C4orf54: variants seen among roughly 807,000 people sequenced by gnomAD.
C4orf54 encodes the protein chromosome 4 open reading frame 54, also known as uncharacterized protein C4orf54.
Under a neutral mutation model 80.1 loss-of-function variants are expected in C4orf54, and 67 were observed. The ratio of observed to expected loss-of-function variants is 0.84; its 90% confidence interval spans 0.69 to 1.03. The LOEUF is 1.03. C4orf54 is among the 50% of genes least tolerant of loss of function. The probability of loss-of-function intolerance (pLI) is 0.00; values close to 1 mark genes in which losing one functional copy is unlikely to be tolerated. For missense variants in C4orf54, 2,434 were observed against 2,253.5 expected, an observed-to-expected ratio of 1.08 and a Z score of -1.62; for synonymous variants, 1,000 against 917.0, an observed-to-expected ratio of 1.09 and a Z score of -1.64.
Position 99,650,548 on chromosome 4 carries a change from G to T in C4orf54, c.4101C>A (p.Pro1367=). ...GGACTGGGGGAATATAGAGAGATCG[G>T]GGTCTTTCCCTGGCCAGGTTCTCAA... ...AAFENLARER[P]RSLYIPPVHK... Residue 1367 remains proline, a synonymous_variant, in exon 2 of 3, where the codon CCC becomes CCA. Coordinates refer to ENST00000511828, the MANE Select transcript of C4orf54 (RefSeq NM_001354435.2). The T allele has an allele frequency of 6.5e-7, 1 of 1,536,084 alleles. No homozygotes were observed. The highest frequency in any genetic ancestry group is 8.7e-7 in the Non-Finnish European group (1 of 1,146,910).
chr4:99,653,760 C>T lies in C4orf54; in HGVS notation c.889G>A (p.Ala297Thr). Reference protein sequence around the residue: ...EDSTTSTGALATSSSSLGFES... With the variant: ...EDSTTSTGALTTSSSSLGFES... ...AAGCCTAAGGATGAAGAGGAGGTGGCCAGAGCCCCTGTGGATGTGGTGGAG... is the reference window on the plus strand; with the variant it reads ...AAGCCTAAGGATGAAGAGGAGGTGGTCAGAGCCCCTGTGGATGTGGTGGAG... Residue 297 changes from alanine to threonine, a missense_variant, in exon 2 of 3, where the codon GCC becomes ACC. Ala to Thr is a moderately conservative substitution (Grantham distance 58). Coordinates refer to ENST00000511828, the MANE Select transcript of C4orf54 (RefSeq NM_001354435.2). 2 of 1,536,048 alleles carry T rather than the reference C, an allele frequency of 1.3e-6. No individual in the cohort carries two copies. Among genetic ancestry groups the T allele is most frequent in the Non-Finnish European group, 1.7e-6 (2 of 1,146,874 alleles).
chr4:99,656,821 C>T (rs1440823991), intron 1 of C4orf54, among the ~76,000 whole-genome samples: 1 of 152,168 alleles, frequency 6.6e-6, no homozygotes, highest in Non-Finnish European at 1.5e-5. Context: ...GGCTTCAGAG[C>T]TTGGACCTTT....
At position 99,654,052 on chromosome 4, in the gene C4orf54, A is replaced by G; in HGVS notation, c.597T>C (p.Ala199=). 1 of 1,536,072 alleles carries G rather than the reference A, an allele frequency of 6.5e-7. No homozygotes were observed. The highest frequency in any genetic ancestry group is 8.7e-7 in the Non-Finnish European group (1 of 1,146,896). Residue 199 remains alanine, a synonymous_variant, in exon 2 of 3, where the codon GCT becomes GCC. Coordinates refer to ENST00000511828, the MANE Select transcript of C4orf54 (RefSeq NM_001354435.2). ...GACTCTCCCTCTGGACTTCAGCTGA[A>G]GCACACATGTCCACATATTTCGCTT... The part of the protein sequence containing the change: ...QREAKYVDMC[A]SAEVQRESPQ...
At chr4:99,648,093 G>A (rs1726731052) in intron 2 of C4orf54, among the ~76,000 whole-genome samples, 3 of 144,580 alleles carry the variant, frequency 2.1e-5, no homozygotes, top group African/African-American at 5.2e-5. Flanking sequence ...ACCAAAGACT[G>A]AAAGTCCTAG....
rs1288244382 is a variant in C4orf54 at position 99,639,102 on chromosome 4, T to C, written c.*2131A>G. The C allele has an allele frequency of 6.6e-6, 1 of 152,012 alleles. No individual in the cohort carries two copies. Among genetic ancestry groups the C allele is most frequent in the African/African-American group, 2.4e-5 (1 of 41,394 alleles). The allele number at this position is 152,012 out of a possible 1,614,324, so 9.4% of individuals were successfully genotyped here. A position where few individuals can be genotyped will look rare whatever the true frequency, so the allele number is the denominator to read the frequency against. ...TCTACCACATTTTCTAGAGAAGGAG[T>C]TGTCTCTCTTTTGGAAGAGTTGGTG... On this transcript the variant is annotated 3_prime_UTR_variant, in exon 3 of 3. Coordinates refer to ENST00000511828, the MANE Select transcript of C4orf54 (RefSeq NM_001354435.2).
chr4:99,648,412 A>T (rs1340702449), intron 2 of C4orf54, among the ~76,000 whole-genome samples: 1 of 152,240 alleles, frequency 6.6e-6, no homozygotes, highest in Non-Finnish European at 1.5e-5. Flanking sequence ...GAAAGAATGC[A>T]GACATGAAAA....
Position 99,653,207 on chromosome 4 carries a change from G to A in C4orf54, c.1442C>T (p.Pro481Leu), listed in dbSNP as rs1372708334. Reference sequence around the variant, plus strand: ...GGGGGCAGTGCCAGGCCCAGTGGGTGGGGGAGTGGGGCCACTGTCAGAGGG... The same window carrying A: ...GGGGGCAGTGCCAGGCCCAGTGGGTAGGGGAGTGGGGCCACTGTCAGAGGG... ...SGPSDSGPTP[P>L]PTGPGTAPLT... The change falls in exon 2 of 3, where the codon CCA (proline) becomes CTA (leucine). Residue 481 changes from proline (P) to leucine (L), a missense_variant. Physicochemically the swap from Pro to Leu is moderately conservative, Grantham distance 98. Transcript: ENST00000511828. The A allele has an allele frequency of 6.5e-7, 1 of 1,535,166 alleles. No homozygotes were observed. The highest frequency in any genetic ancestry group is 2.0e-5 in the Admixed American group (1 of 50,964).
rs988956117 is a variant in C4orf54 at position 99,654,022 on chromosome 4, C to A, written c.627G>T (p.Gln209His). The A allele has an allele frequency of 1.3e-6, 2 of 1,536,114 alleles. No homozygotes were observed. The highest frequency in any genetic ancestry group is 1.7e-6 in the Non-Finnish European group (2 of 1,146,904). ...AGTGCCCCAGGGTAAGTTTCATGGT[C>A]TGGGGACTCTCCCTCTGGACTTCAG... ...ASAEVQRESP[Q>H]TMKLTLGHCP... Residue 209 changes from glutamine (Q) to histidine (H), a missense_variant, in exon 2 of 3, where the codon CAG becomes CAT. Transcript: ENST00000511828.
chr4:99,651,519 TG>T lies in C4orf54; in HGVS notation c.3129del (p.Phe1043LeufsTer39). 6.5e-7 allele frequency: 1 copy of T among 1,536,190 alleles called. No individual in the cohort carries two copies. Among genetic ancestry groups the T allele is most frequent in the Non-Finnish European group, 8.7e-7 (1 of 1,146,902 alleles). ...TTGGGCGTGAGCAACTTGGCAATGT[TG>T]AAGTCTGAGCTCGGCTGCTGCACAC... ...LGSVQQPSSD[F>X]NIAKLLTPKL... is the part of the protein sequence containing the mutation. On this transcript the variant is annotated frameshift_variant, in exon 2 of 3. Transcript: ENST00000511828. LOFTEE classifies it high-confidence loss of function.
chr4:99,651,578 G>A lies in C4orf54; in HGVS notation c.3071C>T (p.Pro1024Leu). ...AQATSTAVIR[P>L]KAPEIKIRLG... ...CCGGATCTTGATTTCGGGAGCCTTG[G>A]GTCTGATCACCGCTGTGGAGGTGGC... Residue 1024 changes from proline (P) to leucine (L), a missense_variant, in exon 2 of 3, where the codon CCC (proline) becomes CTC (leucine). Coordinates refer to ENST00000511828, the MANE Select transcript of C4orf54 (RefSeq NM_001354435.2). The A allele has an allele frequency of 1.3e-6, 2 of 1,536,082 alleles. No homozygotes were observed. Among genetic ancestry groups the A allele is most frequent in the Non-Finnish European group, 1.7e-6 (2 of 1,146,888 alleles).
In C4orf54 at chr4:99,650,126, G is replaced by A. The variant is rs757949354; in HGVS notation, c.4523C>T (p.Pro1508Leu). ...SSAATLCSLP[P>L]LSARSQVPSS... The stretch of plus-strand genomic sequence containing the variant: ...GGGGACCTGACTGCGGGCACTCAGC[G>A]GGGGTAAACTACAGAGAGTGGCAGC... The change falls in exon 2 of 3, where the codon CCG becomes CTG. Residue 1508 changes from proline (P) to leucine (L), a missense_variant. Coordinates refer to ENST00000511828, the MANE Select transcript of C4orf54 (RefSeq NM_001354435.2). The A allele has an allele frequency of 5.3e-4, 810 of 1,535,974 alleles. 7 individuals are homozygous for A. Among genetic ancestry groups the A allele is most frequent in the South Asian group, 8.1e-4 (68 of 84,048 alleles).
chr4:99,644,407 G>A (rs1250744846), intron 2 of C4orf54, among the ~76,000 whole-genome samples: 1 of 151,946 alleles, frequency 6.6e-6, no homozygotes, highest in Non-Finnish European at 1.5e-5. Context: ...AAAGGGAAAG[G>A]GAGAAAAGAA....
rs148833109 is a variant in C4orf54 at position 99,655,018 on chromosome 4, A to T, written c.-31-339T>A. 2.2e-3 allele frequency among the ~76,000 whole-genome samples: 342 copies of T among 152,358 alleles called. 5 individuals are homozygous for T. Among genetic ancestry groups the T allele is most frequent in the African/African-American group, 7.8e-3 (323 of 41,590 alleles). Reference sequence around the variant, plus strand: ...TTAAGGACACTCTGGAAATATTTCAAAGTCTCCCTGGTACATATGGTAGCC... The same window carrying T: ...TTAAGGACACTCTGGAAATATTTCATAGTCTCCCTGGTACATATGGTAGCC... On this transcript the variant is annotated intron_variant, in intron 1 of 2. Coordinates refer to ENST00000511828, the MANE Select transcript of C4orf54 (RefSeq NM_001354435.2).
In C4orf54 at chr4:99,650,181, C is replaced by T. The variant is rs1198359102; in HGVS notation, c.4468G>A (p.Ala1490Thr). ...GAGTTGGGGGGCCCCTCCCTGGAAG[C>T]CCCAGGCCTGCTAAGAAGCTCCCCT... ...AAGELLSRPG[A>T]SREGPPNSSA... Residue 1490 changes from alanine to threonine, a missense_variant, in exon 2 of 3, where the codon GCT (alanine) becomes ACT (threonine). Coordinates refer to ENST00000511828, the MANE Select transcript of C4orf54 (RefSeq NM_001354435.2). 1.3e-6 allele frequency: 2 copies of T among 1,535,756 alleles called. No homozygotes were observed. Among genetic ancestry groups the T allele is most frequent in the African/African-American group, 1.4e-5 (1 of 72,954 alleles).
rs1438004727 is a variant in C4orf54, at chr4:99,652,578, C to T, written c.2071G>A (p.Gly691Ser). 2 of 1,536,064 alleles carry T rather than the reference C, an allele frequency of 1.3e-6. No individual in the cohort carries two copies. The highest frequency in any genetic ancestry group is 1.7e-6 in the Non-Finnish European group (2 of 1,146,904). ...LRSSAASVAA[G>S]LRKGSGARAT... ...CGGGCCCCACTGCCCTTCCTCAGACCTGCAGCCACAGAGGCCGCGCTGCTC... is the reference window on the plus strand; with the variant it reads ...CGGGCCCCACTGCCCTTCCTCAGACTTGCAGCCACAGAGGCCGCGCTGCTC... Residue 691 changes from glycine to serine, a missense_variant, in exon 2 of 3, where the codon GGT (glycine) becomes AGT (serine). Physicochemically the swap from Gly to Ser is moderately conservative, Grantham distance 56. Transcript: ENST00000511828.
Position 99,651,648 on chromosome 4 carries a change from C to T in C4orf54, c.3001G>A (p.Asp1001Asn). Residue 1001 changes from aspartate (D) to asparagine (N), a missense_variant, in exon 2 of 3, where the codon GAC becomes AAC. By Grantham distance (23) the Asp-to-Asn change is conservative. Coordinates refer to ENST00000511828, the MANE Select transcript of C4orf54 (RefSeq NM_001354435.2). ...GTGGCCTGCTTCCTCGGCTGCTTGT[C>T]CTTGGGTGTCTGCTGGATGTTGGGG... ...FVPNIQQTPK[D>N]KQPRKQATKY... is the part of the protein sequence containing the mutation. The T allele has an allele frequency of 7.8e-6, 12 of 1,536,030 alleles. No homozygotes were observed. Among genetic ancestry groups the T allele is most frequent in the Non-Finnish European group, 9.6e-6 (11 of 1,146,886 alleles).
rs1024773032 is a variant in C4orf54, at chr4:99,639,253, C to T, written c.*1980G>A. On this transcript the variant is annotated 3_prime_UTR_variant, in exon 3 of 3. Coordinates refer to ENST00000511828, the MANE Select transcript of C4orf54 (RefSeq NM_001354435.2). ...AGGTTTCACCAGGTGTATTCAAATA[C>T]TGGAGGTTTCTTGGTGCTGCTTTCA... 8 of 152,220 alleles carry T rather than the reference C, an allele frequency of 5.3e-5. No individual in the cohort carries two copies. The highest frequency in any genetic ancestry group is 1.9e-4 in the African/African-American group (8 of 41,556). 9.4% of individuals were successfully genotyped at this position (152,220 alleles called of 1,614,324 possible). A position where few individuals can be genotyped will look rare whatever the true frequency, so the allele number is the denominator to read the frequency against.
Position 99,651,996 on chromosome 4 carries a change from C to T in C4orf54, c.2653G>A (p.Gly885Ser), listed in dbSNP as rs758745961. The T allele has an allele frequency of 1.2e-4, 182 of 1,536,028 alleles. No individual in the cohort carries two copies. Among genetic ancestry groups the T allele is most frequent in the Non-Finnish European group, 1.5e-4 (173 of 1,146,914 alleles). The change falls in exon 2 of 3, where the codon GGC (glycine) becomes AGC (serine). Residue 885 changes from glycine to serine, a missense_variant. Coordinates refer to ENST00000511828, the MANE Select transcript of C4orf54 (RefSeq NM_001354435.2). ...EYTVVSMSDA[G>S]GEGSVAGSKS... is the part of the protein sequence containing the mutation. The stretch of plus-strand genomic sequence containing the variant: ...GAGCCCGCCACGGACCCCTCCCCGC[C>T]CGCGTCGGACATGCTGACCACTGTG...
Position 99,637,389 on chromosome 4 carries a change from T to G in C4orf54, c.*3844A>C, listed in dbSNP as rs903556262. ...AATTTTCAGACTCTTCCCCTGGGCC[T>G]AGTACTCACACGTGCCACAGACGGA... is the stretch of plus-strand genomic sequence containing the variant. On this transcript the variant is annotated 3_prime_UTR_variant, in exon 3 of 3. Transcript: ENST00000511828. The G allele has an allele frequency of 1.3e-5, 2 of 152,138 alleles. No homozygotes were observed. The highest frequency in any genetic ancestry group is 2.9e-5 in the Non-Finnish European group (2 of 68,014). 9.4% of individuals were successfully genotyped at this position (152,138 alleles called of 1,614,324 possible).
Sources: allele counts gnomAD v4.1 joint callset (sites outside exome capture counted in the v4.1 genomes callset), GRCh38; gene constraint gnomAD v4.1.1; transcripts MANE v1.5; gene names NCBI Gene and HGNC (gene_info 2026-07-23, HGNC 2026-07-21).